Variants in NCKAP5 observed in about 807,000 individuals in gnomAD.
NCKAP5 encodes NCK associated protein 5, also known as nck-associated protein 5.
In NCKAP5, 92 loss-of-function variants were observed where a neutral mutation model predicts 167.0. That is an observed-to-expected ratio of 0.55 (90% confidence interval 0.47 to 0.66). The LOEUF is 0.66. Among genes scored for constraint, NCKAP5 ranks in the 30% least tolerant of loss-of-function variants. NCKAP5 has a pLI of 0.00. For synonymous variants in NCKAP5, 891 were observed against 877.4 expected (o/e 1.02, Z -0.27); for missense variants, 2,378 against 2,315.0 (o/e 1.03, Z -0.56).
Position 132,920,724 on chromosome 2 carries a change from T to TATATGTATATATATGC in NCKAP5, c.580-41809_580-41808insGCATATATATACATAT, listed in dbSNP as rs1695287838. On this transcript the variant is annotated intron_variant, in intron 8 of 19. Transcript: ENST00000409261. ...ATACGTATATGTATATATATGTATA[T>TATATGTATATATATGC]ATATATATGTATATATATGTGTATA... is the stretch of plus-strand genomic sequence containing the variant. 2.7e-5 allele frequency among the ~76,000 whole-genome samples: 3 copies of TATATGTATATATATGC among 110,194 alleles called. No individual in the cohort carries two copies. The East Asian group carries it at 8.1e-4, about 30-fold the overall frequency. The allele number at this position is 110,194 out of a possible 152,430, so 72.3% of individuals were successfully genotyped here. A position where few individuals can be genotyped will look rare whatever the true frequency, so the allele number is the denominator to read the frequency against.
chr2:133,533,188 G>A (rs187697618), intron 2 of NCKAP5, among the ~76,000 whole-genome samples: 19 of 152,296 alleles, frequency 1.2e-4, no homozygotes, highest in Admixed American at 2.6e-4. Flanking sequence ...GCGTGAAGCC[G>A]CCCCTGGGAG....
chr2:133,245,109 G>A (rs1350571970), intron 4 of NCKAP5, among the ~76,000 whole-genome samples: 3 of 152,000 alleles, frequency 2.0e-5, no homozygotes, highest in African/African-American at 2.4e-5. Context: ...AACACTTTGG[G>A]GAACTGATAG....
intron 3 of NCKAP5, among the ~76,000 whole-genome samples, chr2:133,473,698 A>T (rs1679565968): frequency 6.6e-6 from 1 of 152,210 alleles, no homozygotes; most frequent in Admixed American, 6.5e-5. Flanking sequence ...AGCTATTCTA[A>T]AATTACCAAC....
chr2:133,190,968 A>G (rs2085191622), intron 5 of NCKAP5, among the ~76,000 whole-genome samples: 1 of 152,312 alleles, frequency 6.6e-6, no homozygotes, highest in South Asian at 2.1e-4. Flanking sequence ...AGAAACTACC[A>G]TCAGAGTGAA....
At chr2:133,459,065 T>C (rs1349770258) in intron 3 of NCKAP5, among the ~76,000 whole-genome samples, 3 of 152,168 alleles carry the variant, frequency 2.0e-5, no homozygotes, top group African/African-American at 7.2e-5. Flanking sequence ...TCTGCAGTTC[T>C]GTGTTCTTTT....
At chr2:132,820,577 C>G (rs1305410681) in intron 11 of NCKAP5, among the ~76,000 whole-genome samples, 2 of 151,812 alleles carry the variant, frequency 1.3e-5, no homozygotes, top group Admixed American at 1.3e-4. Context: ...ATAGGTAAAG[C>G]TGAACATTGG....
intron 11 of NCKAP5, among the ~76,000 whole-genome samples, chr2:132,857,379 T>C (rs1689555853): frequency 6.6e-6 from 1 of 152,216 alleles, no homozygotes; most frequent in Non-Finnish European, 1.5e-5. Context: ...CAAATACTAC[T>C]TTAGCAGACC....
rs554263241 is a variant in NCKAP5, at chr2:132,921,885, G to C, written c.579+41835C>G. Among the ~76,000 whole-genome samples the C allele has an allele frequency of 2.0e-5, 3 of 152,316 alleles. No homozygotes were observed. The South Asian group carries it at 6.2e-4, about 32-fold the overall frequency. On this transcript the variant is annotated intron_variant, in intron 8 of 19. Coordinates refer to ENST00000409261, the MANE Select transcript of NCKAP5 (RefSeq NM_207363.3). ...GGTGCATTCCAACCCCATGGCCTCAGTGACTGTTTCAGAGATGAGCCCATG... is the reference window on the plus strand; with the variant it reads ...GGTGCATTCCAACCCCATGGCCTCACTGACTGTTTCAGAGATGAGCCCATG...
chr2:133,025,979 C>G (rs993423135), intron 6 of NCKAP5, among the ~76,000 whole-genome samples: 1 of 152,116 alleles, frequency 6.6e-6, no homozygotes, highest in Non-Finnish European at 1.5e-5. Flanking sequence ...TTCTCCCTCC[C>G]CCTCTCCTCC....
rs77530792 is a variant in NCKAP5, at chr2:133,047,154, G to A, written c.342-52915C>T. 4.6e-3 allele frequency among the ~76,000 whole-genome samples: 704 copies of A among 152,202 alleles called. 3 individuals carry two copies. Among genetic ancestry groups the A allele is most frequent in the Non-Finnish European group, 5.6e-3 (383 of 67,996 alleles). On this transcript the variant is annotated intron_variant, in intron 6 of 19. Transcript: ENST00000409261. ...GCAAACTGTACACTGCCCTCACCAC[G>A]CAGACTACTTTTCATGCCTGCTATG... is the stretch of plus-strand genomic sequence containing the variant.
intron 5 of NCKAP5, 140 bp downstream of exon 5, chr2:133,213,576 A>T: frequency 2.6e-6 from 2 of 776,264 alleles, no homozygotes; most frequent in Non-Finnish European, 4.3e-6. Context: ...AAATTCTATT[A>T]TAAATACATC....
the NCKAP5 span, among the ~76,000 whole-genome samples, chr2:133,667,516 G>T: frequency 7.9e-5 from 12 of 152,096 alleles, no homozygotes; most frequent in African/African-American, 2.9e-4. Context: ...CCTCGACAGG[G>T]CTGATTCCCT....
intron 8 of NCKAP5, among the ~76,000 whole-genome samples, chr2:132,923,395 G>C (rs1336805705): frequency 6.6e-6 from 1 of 152,190 alleles, no homozygotes; most frequent in African/African-American, 2.4e-5. Flanking sequence ...AGCTCACTCA[G>C]AGAGGCACCA....
chr2:133,059,997 T>C (rs758013653), intron 6 of NCKAP5, among the ~76,000 whole-genome samples: 5 of 151,936 alleles, frequency 3.3e-5, no homozygotes, highest in Non-Finnish European at 5.9e-5. Flanking sequence ...TGAATTAACC[T>C]GGTGACTAAC....
the NCKAP5 span, among the ~76,000 whole-genome samples, chr2:133,575,055 C>T: frequency 4.6e-5 from 7 of 152,178 alleles, no homozygotes; most frequent in East Asian, 3.9e-4. Flanking sequence ...CTCTTTCTCC[C>T]GGGAAAAATT....
intron 5 of NCKAP5, among the ~76,000 whole-genome samples, chr2:133,168,170 C>A (rs987969054): frequency 2.0e-5 from 3 of 152,130 alleles, no homozygotes; most frequent in African/African-American, 4.8e-5. Flanking sequence ...GGGATTCCAA[C>A]TCAGACAGCC....
intron 6 of NCKAP5, among the ~76,000 whole-genome samples, chr2:133,016,480 A>G (rs1390299506): frequency 1.3e-5 from 2 of 152,232 alleles, no homozygotes; most frequent in East Asian, 1.9e-4. Flanking sequence ...AAATAATTTC[A>G]TAGCCTTCCC....
chr2:133,113,461 C>T (rs899900467), intron 6 of NCKAP5, among the ~76,000 whole-genome samples: 3 of 152,182 alleles, frequency 2.0e-5, no homozygotes, highest in African/African-American at 4.8e-5. Context: ...TTTCACCTAA[C>T]GGTATTGTCT....
intron 5 of NCKAP5, among the ~76,000 whole-genome samples, chr2:133,188,013 A>T (rs994709059): frequency 2.6e-5 from 4 of 152,072 alleles, no homozygotes; most frequent in Non-Finnish European, 4.4e-5. Context: ...TGATCCTGTC[A>T]TCATGATGTT....
Sources: allele counts gnomAD v4.1 joint callset (sites outside exome capture counted in the v4.1 genomes callset), GRCh38; gene constraint gnomAD v4.1.1; transcripts MANE v1.5; gene names NCBI Gene and HGNC (gene_info 2026-07-23, HGNC 2026-07-21).